The following DLGAP1 variants were observed in gnomAD, a reference collection of about 807,000 sequenced individuals.
DLGAP1 encodes DLG associated protein 1.
In DLGAP1, 11 loss-of-function variants were observed where a neutral mutation model predicts 90.8. That is an observed-to-expected ratio of 0.12 (90% CI 0.08 to 0.20). DLGAP1 has a LOEUF of 0.20. DLGAP1 is among the 10% of genes least tolerant of loss of function. The pLI is 1.00. For synonymous variants in DLGAP1, 558 were observed against 540.7 expected, an observed-to-expected ratio of 1.03 and a Z score of -0.44; for missense variants, 1,050 against 1,333.8, an observed-to-expected ratio of 0.79 and a Z score of 3.31.
chr18:3,824,269 A>G (rs552543074), intron 4 of DLGAP1, among the ~76,000 whole-genome samples: 1 of 152,318 alleles, frequency 6.6e-6, no homozygotes, highest in Admixed American at 6.5e-5. Context: ...GTTCAGAAGC[A>G]GAGATGTGGG....
At chr18:3,818,544 GA>G (rs112496837) in intron 4 of DLGAP1, among the ~76,000 whole-genome samples, 56 of 151,844 alleles carry the variant, frequency 3.7e-4, no homozygotes, top group African/African-American at 1.3e-3. Flanking sequence ...ATTGCTAGTA[GA>G]GACAGGATTT....
chr18:3,975,213 T>C (rs527710283), intron 3 of DLGAP1, among the ~76,000 whole-genome samples: 3 of 152,144 alleles, frequency 2.0e-5, no homozygotes, highest in South Asian at 2.1e-4. Flanking sequence ...AAAAATTATA[T>C]ATATAAATAC....
At chr18:4,269,444 G>A (rs928867489) in intron 1 of DLGAP1, among the ~76,000 whole-genome samples, 1 of 150,272 alleles carries the variant, frequency 6.7e-6, no homozygotes, top group South Asian at 2.1e-4. Context: ...AGCTCTGCCT[G>A]CCGGGCTCAC....
chr18:3,600,983 TATAG>T (rs370132126), intron 7 of DLGAP1, among the ~76,000 whole-genome samples: 13 of 76,022 alleles, frequency 1.7e-4, no homozygotes, highest in East Asian at 3.2e-4. Context: ...GATATATAGA[TATAG>T]ATATATAGAT....
rs972739549 is a variant in DLGAP1 at position 4,342,074 on chromosome 18, G to A, written c.-267+112932C>T. Among the ~76,000 whole-genome samples the A allele has an allele frequency of 1.6e-4, 24 of 151,784 alleles. No homozygotes were observed. Among genetic ancestry groups the A allele is most frequent in the African/African-American group, 4.8e-4 (20 of 41,286 alleles). ...TGAGCGGATAAAGTCCTCGGCATGC[G>A]GTGAACACTAAATAAATGTTCCTTC... On this transcript the variant is annotated intron_variant, in intron 1 of 12. Transcript: ENST00000315677. This position sits in a 1 kb window ranked among gnomAD's most constrained non-coding sequence, Gnocchi z 5.8.
chr18:4,270,839 G>A (rs1228992411), intron 1 of DLGAP1, among the ~76,000 whole-genome samples: 1 of 152,202 alleles, frequency 6.6e-6, no homozygotes, highest in African/African-American at 2.4e-5. Flanking sequence ...CTGAGATGCT[G>A]TTTGCAGATG....
intron 2 of DLGAP1, among the ~76,000 whole-genome samples, chr18:4,113,362 ATGT>A (rs2076006708): frequency 6.6e-6 from 1 of 152,024 alleles, no homozygotes; most frequent in Non-Finnish European, 1.5e-5. Context: ...ATGATTAGTG[ATGT>A]TGAACTTTTT....
intron 2 of DLGAP1, among the ~76,000 whole-genome samples, chr18:4,058,990 A>T (rs911850145): frequency 1.3e-4 from 20 of 152,376 alleles, no homozygotes; most frequent in East Asian, 1.2e-3. Flanking sequence ...GACCCACAGG[A>T]CAGAGATGAA....
At chr18:4,220,754 C>A (rs906360493) in intron 1 of DLGAP1, among the ~76,000 whole-genome samples, 1 of 152,096 alleles carries the variant, frequency 6.6e-6, no homozygotes, top group Non-Finnish European at 1.5e-5. Flanking sequence ...TAGATGAACT[C>A]TTACTCTTTT....
intron 5 of DLGAP1, among the ~76,000 whole-genome samples, chr18:3,769,194 G>A (rs538003887): frequency 2.8e-4 from 43 of 152,206 alleles, no homozygotes; most frequent in African/African-American, 1.0e-3. Flanking sequence ...TTCACAATAA[G>A]ATAGTACTCC....
chr18:3,553,131 G>A (rs551963428), intron 9 of DLGAP1, among the ~76,000 whole-genome samples: 4 of 151,788 alleles, frequency 2.6e-5, no homozygotes, highest in Non-Finnish European at 4.4e-5. Flanking sequence ...TTGATAATCC[G>A]GCAGAAGGAG....
intron 10 of DLGAP1, among the ~76,000 whole-genome samples, chr18:3,523,580 G>C (rs530086081): frequency 1.3e-5 from 2 of 152,060 alleles, no homozygotes; most frequent in African/African-American, 4.8e-5. Flanking sequence ...AGGTGCGGTG[G>C]CTCACGCCTG....
intron 7 of DLGAP1, among the ~76,000 whole-genome samples, chr18:3,612,207 G>GT (rs1277020123): frequency 2.0e-5 from 3 of 152,136 alleles, no homozygotes; most frequent in Non-Finnish European, 2.9e-5. Flanking sequence ...TAAAAATAAT[G>GT]TAAGTTCAGG....
At chr18:3,875,507 G>A (rs1307970015) in intron 4 of DLGAP1, among the ~76,000 whole-genome samples, 1 of 152,198 alleles carries the variant, frequency 6.6e-6, no homozygotes, top group African/African-American at 2.4e-5. Flanking sequence ...AGGAGGTAGA[G>A]ATTGGGCATA....
intron 3 of DLGAP1, among the ~76,000 whole-genome samples, chr18:3,990,777 A>C (rs2073951769): frequency 6.6e-6 from 1 of 151,928 alleles, no homozygotes; most frequent in African/African-American, 2.4e-5. Context: ...ATGTAAAGCC[A>C]GATTTGCCTT....
intron 7 of DLGAP1, among the ~76,000 whole-genome samples, chr18:3,622,524 C>A (rs538031688): frequency 6.6e-6 from 1 of 152,252 alleles, no homozygotes; most frequent in African/African-American, 2.4e-5. Context: ...GTCCAGAATT[C>A]GGCTTCCAAG....
chr18:4,238,180 T>C (rs1253826642), intron 1 of DLGAP1, among the ~76,000 whole-genome samples: 1 of 152,200 alleles, frequency 6.6e-6, no homozygotes, highest in Non-Finnish European at 1.5e-5. Context: ...CTCTGTTTCA[T>C]CAATTATAAA....
intron 6 of DLGAP1, 71 bp downstream of exon 6, chr18:3,742,264 T>C: frequency 6.4e-7 from 1 of 1,553,870 alleles, no homozygotes; most frequent in Non-Finnish European, 8.8e-7. Flanking sequence ...CCCCACCTCA[T>C]GCCCTCTCAA....
chr18:4,454,711 G>C lies in DLGAP1; in HGVS notation c.-267+295C>G, dbSNP rs1429153999. On this transcript the variant is annotated intron_variant, in intron 1 of 12. Transcript: ENST00000315677. This position sits in a 1 kb window ranked among gnomAD's most constrained non-coding sequence, Gnocchi z 4.7. ...CCCTTCCGGGACCCTGTCGCAATTA[G>C]AAATCCTTCCCCTGCCTGGGTCCCC... Among the ~76,000 whole-genome samples the C allele has an allele frequency of 6.6e-6, 1 of 151,996 alleles. No homozygotes were observed.
Sources: gnomAD v4.1 joint callset for allele counts (sites outside exome capture counted in the v4.1 genomes callset) on GRCh38, gnomAD v4.1.1 for gene constraint, Gnocchi (gnomAD v3.1) non-coding constraint, MANE v1.5 for transcripts, NCBI Gene and HGNC (gene_info 2026-07-23, HGNC 2026-07-21) for gene names.